The following ANKRD42 variants were observed in gnomAD, a reference collection of about 807,000 sequenced individuals.
The protein encoded by ANKRD42 is ankyrin repeat domain 42.
A neutral mutation model predicts 51.5 loss-of-function variants in ANKRD42; 43 were observed. The ratio of observed to expected loss-of-function variants is 0.83; its 90% CI spans 0.65 to 1.08. The LOEUF (loss-of-function observed/expected upper bound fraction) is 1.08, where lower values mean the gene tolerates loss of function less well. Ranked by LOEUF, ANKRD42 falls within the 50% of genes least tolerant of loss-of-function variation. The pLI, the probability that ANKRD42 is intolerant of heterozygous loss-of-function variation, is 0.00. For synonymous variants in ANKRD42, 203 were observed against 213.0 expected (o/e 0.95, Z 0.41); for missense variants, 608 against 629.3 (o/e 0.97, Z 0.36).
Position 83,198,760 on chromosome 11 carries a change from TAGTC to T in ANKRD42, c.222+122_222+125del, listed in dbSNP as rs1342172610. 4.2e-6 allele frequency: 4 copies of T among 943,384 alleles called. No individual in the cohort carries two copies. In the African/African-American group the frequency reaches 5.1e-5, roughly 12 times the overall value. 58.4% of individuals were successfully genotyped at this position (943,384 alleles called of 1,614,324 possible). A position where few individuals can be genotyped will look rare whatever the true frequency, so the allele number is the denominator to read the frequency against. On this transcript the variant is annotated intron_variant, in intron 2 of 10. Transcript: ENST00000533342. ...ACTGCATATATTTTCTTTTCAGTCA[TAGTC>T]AGTTTAATATTTGGGTATTCCACTT...
chr11:83,243,047 G>A (rs1265832092), intron 9 of ANKRD42, among the ~76,000 whole-genome samples: 3 of 152,048 alleles, frequency 2.0e-5, no homozygotes, highest in Non-Finnish European at 4.4e-5. Context: ...TTGAGAAATC[G>A]CCAAACTGCT....
Position 83,198,680 on chromosome 11 carries a change from T to A in ANKRD42, c.222+38T>A, listed in dbSNP as rs79787031. The A allele has an allele frequency of 4.7e-3, 7,130 of 1,520,582 alleles. 219 individuals are homozygous for A. In the African/African-American group the frequency reaches 0.073, roughly 16 times the overall value. The allele number at this position is 1,520,582 out of a possible 1,614,324, so 94.2% of individuals were successfully genotyped here. A position where few individuals can be genotyped will look rare whatever the true frequency, so the allele number is the denominator to read the frequency against. ...ACATATCACTAAACTGAGGTAAGTT[T>A]TAGCTATAACAGTTTTGTAAATTTA... On this transcript the variant is annotated intron_variant, in intron 2 of 10. Coordinates refer to ENST00000533342, the MANE Select transcript of ANKRD42 (RefSeq NM_001300975.2).
downstream of ANKRD42, chr11:83,261,615 A>G (rs1376533127): frequency 1.4e-5 from 3 of 219,186 alleles, no homozygotes; most frequent in Admixed American, 5.8e-5. Flanking sequence ...TCAAGCAAAC[A>G]TAAGAAAACT....
In ANKRD42 at chr11:83,194,674, C is replaced by T. The variant is rs781486105; in HGVS notation, c.4C>T (p.Pro2Ser). Residue 2 changes from proline to serine, a missense_variant, in exon 1 of 11, where the codon CCC (proline) becomes TCC (serine). Physicochemically the swap from Pro to Ser is moderately conservative, Grantham distance 74 (BLOSUM62 -1). Coordinates refer to ENST00000533342, the MANE Select transcript of ANKRD42 (RefSeq NM_001300975.2). M[P>S]GVANSGPSTS... ...CCAGAGTCGGAGGTGTTGCGCCATG[C>T]CCGGGGTGGCCAATTCAGGCCCCTC... 1.2e-6 allele frequency: 2 copies of T among 1,613,758 alleles called. No homozygotes were observed. Among genetic ancestry groups the T allele is most frequent in the Non-Finnish European group, 8.5e-7 (1 of 1,179,924 alleles).
intron 5 of ANKRD42, among the ~76,000 whole-genome samples, chr11:83,221,080 A>AT (rs367919110): frequency 2.2e-4 from 31 of 142,448 alleles, no homozygotes; most frequent in Admixed American, 2.8e-4. Context: ...ATTTCTTTCC[A>AT]TTTTTTTTTT....
At chr11:83,225,136 A>G (rs919728094) in intron 6 of ANKRD42, 81 bp downstream of exon 6, 31 of 1,262,016 alleles carry the variant, frequency 2.5e-5, no homozygotes, top group Non-Finnish European at 3.3e-5. Flanking sequence ...TCAATGAAAT[A>G]GGAAAAGATA....
intron 1 of ANKRD42, among the ~76,000 whole-genome samples, chr11:83,195,003 T>G (rs1861583571): frequency 1.3e-5 from 2 of 152,240 alleles, no homozygotes; most frequent in Non-Finnish European, 2.9e-5. Flanking sequence ...CGGACCCTTT[T>G]AAGTTCTTCC....
chr11:83,244,107 GAGT>G (rs1863474618), intron 9 of ANKRD42, among the ~76,000 whole-genome samples: 1 of 148,768 alleles, frequency 6.7e-6, no homozygotes, highest in African/African-American at 2.5e-5. Flanking sequence ...TCAGCCTCCC[GAGT>G]AGCTGGATTA....
intron 9 of ANKRD42, among the ~76,000 whole-genome samples, chr11:83,244,654 C>T (rs1863489092): frequency 6.6e-6 from 1 of 152,068 alleles, no homozygotes; most frequent in Admixed American, 6.6e-5. Context: ...CAGAGGTTGC[C>T]AAATGACCCT....
intron 2 of ANKRD42, among the ~76,000 whole-genome samples, chr11:83,201,076 C>T (rs1476416502): frequency 2.6e-5 from 4 of 152,040 alleles, no homozygotes; most frequent in Non-Finnish European, 5.9e-5. Flanking sequence ...TGGTTTGCTG[C>T]ACCCAACAAC....
rs372799048 is a variant in ANKRD42 at position 83,248,022 on chromosome 11, C to A, written c.1402C>A (p.Arg468=). The change falls in exon 11 of 11, where the codon CGA becomes AGA. Residue 468 remains arginine, a synonymous_variant. Coordinates refer to ENST00000533342, the MANE Select transcript of ANKRD42 (RefSeq NM_001300975.2). The part of the protein sequence containing the change: ...EKLECQLDEY[R]AEVDQLRETL... Reference sequence around the variant, plus strand: ...ATTAGAATGTCAGCTTGATGAATATCGAGCAGAAGTTGATCAACTCAGGGA... The same window carrying A: ...ATTAGAATGTCAGCTTGATGAATATAGAGCAGAAGTTGATCAACTCAGGGA... 3 of 1,610,986 alleles carry A rather than the reference C, an allele frequency of 1.9e-6. No individual in the cohort carries two copies. The highest frequency in any genetic ancestry group is 2.5e-6 in the Non-Finnish European group (3 of 1,178,448).
At chr11:83,199,701 C>A (rs1218027094) in intron 2 of ANKRD42, among the ~76,000 whole-genome samples, 1 of 152,204 alleles carries the variant, frequency 6.6e-6, no homozygotes, top group Non-Finnish European at 1.5e-5. Flanking sequence ...AGCCTATAAG[C>A]TACAATAGGT....
intron 5 of ANKRD42, among the ~76,000 whole-genome samples, chr11:83,221,932 A>G (rs1376666457): frequency 6.6e-6 from 1 of 152,208 alleles, no homozygotes; most frequent in Non-Finnish European, 1.5e-5. Flanking sequence ...GGCTTGAGAT[A>G]GGGACAGGTC....
downstream of ANKRD42, among the ~76,000 whole-genome samples, chr11:83,258,312 T>C (rs894719520): frequency 1.3e-5 from 2 of 152,226 alleles, no homozygotes; most frequent in African/African-American, 4.8e-5. Flanking sequence ...ATAAATCATA[T>C]ACCTATATTA....
intron 10 of ANKRD42, among the ~76,000 whole-genome samples, chr11:83,246,525 C>CT (rs1863547707): frequency 6.6e-6 from 1 of 152,184 alleles, no homozygotes; most frequent in African/African-American, 2.4e-5. Context: ...GCTTGTCTGT[C>CT]TATCTGCTTT....
chr11:83,233,529 C>G (rs752858669), intron 7 of ANKRD42, among the ~76,000 whole-genome samples: 1 of 151,888 alleles, frequency 6.6e-6, no homozygotes, highest in Admixed American at 6.6e-5. Context: ...TCAGAAAAAG[C>G]CCAGCTGTTT....
At chr11:83,214,397 T>G in intron 5 of ANKRD42, 2 of 979,622 alleles carry the variant, frequency 2.0e-6, no homozygotes, top group Non-Finnish European at 1.2e-6. Flanking sequence ...TATTTTTGTA[T>G]TGTCCTTTAT....
intron 5 of ANKRD42, among the ~76,000 whole-genome samples, chr11:83,221,693 A>G (rs928995972): frequency 1.2e-4 from 18 of 152,158 alleles, no homozygotes; most frequent in African/African-American, 2.7e-4. Flanking sequence ...GAGGTCCTAA[A>G]TGGGATATTT....
At chr11:83,195,790 G>T (rs1160031850) in intron 1 of ANKRD42, among the ~76,000 whole-genome samples, 1 of 148,626 alleles carries the variant, frequency 6.7e-6, no homozygotes, top group Non-Finnish European at 1.5e-5. Context: ...ATTTTTTCTG[G>T]TCTAGACTAT....
Sources: gnomAD v4.1 joint callset for allele counts (sites outside exome capture counted in the v4.1 genomes callset) on GRCh38, gnomAD v4.1.1 for gene constraint, MANE v1.5 for transcripts, NCBI Gene and HGNC (gene_info 2026-07-23, HGNC 2026-07-21) for gene names.